Variants in PAK1 observed in about 807,000 individuals in gnomAD.
PAK1 encodes the protein p21 (RAC1) activated kinase 1, also known as serine/threonine-protein kinase PAK 1.
In PAK1, 29 loss-of-function variants were observed where a neutral mutation model predicts 67.4. The ratio of observed to expected loss-of-function variants is 0.43; its 90% CI spans 0.32 to 0.59. The LOEUF is 0.59. Among genes scored for constraint, PAK1 ranks in the 20% least tolerant of loss-of-function variants. PAK1 has a pLI of 0.07. For synonymous variants in PAK1, 223 were observed against 237.4 expected, an observed-to-expected ratio of 0.94 and a Z score of 0.56; for missense variants, 337 against 670.7, an observed-to-expected ratio of 0.50 and a Z score of 5.50.
At chr11:77,399,776 G>A (rs1952375749) in intron 1 of PAK1, among the ~76,000 whole-genome samples, 1 of 130,482 alleles carries the variant, frequency 7.7e-6, no homozygotes, top group South Asian at 2.6e-4. Context: ...GGAGAATGGC[G>A]TGAACCCGGG....
At chr11:77,422,812 C>T (rs1955340870) in intron 1 of PAK1, among the ~76,000 whole-genome samples, 1 of 152,130 alleles carries the variant, frequency 6.6e-6, no homozygotes, top group African/African-American at 2.4e-5. Flanking sequence ...GCTAATTCTG[C>T]CTTTCCGCCC....
intron 2 of PAK1, among the ~76,000 whole-genome samples, chr11:77,391,451 C>T (rs1253105597): frequency 2.0e-5 from 3 of 152,182 alleles, no homozygotes; most frequent in African/African-American, 7.2e-5. Context: ...GATCAGAAAG[C>T]TGGTAAGTGG....
At chr11:77,343,080 T>A (rs1306941292) in intron 10 of PAK1, among the ~76,000 whole-genome samples, 1 of 152,056 alleles carries the variant, frequency 6.6e-6, no homozygotes, top group Non-Finnish European at 1.5e-5. Flanking sequence ...TACCTCACAA[T>A]GAGATACTGT....
At chr11:77,489,805 C>A in the PAK1 span, among the ~76,000 whole-genome samples, 1 of 152,064 alleles carries the variant, frequency 6.6e-6, no homozygotes, top group East Asian at 1.9e-4. Context: ...GCTACAACCT[C>A]CACCTCCCAG....
intron 5 of PAK1, among the ~76,000 whole-genome samples, chr11:77,371,720 G>C (rs1460740161): frequency 6.6e-6 from 1 of 152,158 alleles, no homozygotes; most frequent in South Asian, 2.1e-4. Flanking sequence ...AGGATATATA[G>C]AGCACTGAGC....
chr11:77,367,692 T>C (rs764839289), intron 5 of PAK1, among the ~76,000 whole-genome samples: 10 of 152,106 alleles, frequency 6.6e-5, no homozygotes, highest in Non-Finnish European at 1.0e-4. Flanking sequence ...AGGTCCAAGA[T>C]CTAGGGCTGG....
intron 5 of PAK1, among the ~76,000 whole-genome samples, chr11:77,360,815 G>A (rs1946685269): frequency 6.6e-6 from 1 of 152,120 alleles, no homozygotes. Flanking sequence ...ATAAAACAGG[G>A]GTAATGACTA....
intron 14 of PAK1, among the ~76,000 whole-genome samples, chr11:77,324,171 C>CTTTT: frequency 1.6e-5 from 2 of 124,016 alleles, no homozygotes; most frequent in South Asian, 2.6e-4. Flanking sequence ...GAAAGCAATT[C>CTTTT]CTTTTTTTTT....
the PAK1 span, among the ~76,000 whole-genome samples, chr11:77,521,743 C>T: frequency 4.6e-5 from 7 of 152,130 alleles, no homozygotes; most frequent in African/African-American, 9.7e-5. Flanking sequence ...CTTACTTTCC[C>T]AAAAAGGAAA....
intron 1 of PAK1, among the ~76,000 whole-genome samples, chr11:77,454,211 A>C (rs117946612): frequency 8.9e-4 from 136 of 152,336 alleles, no homozygotes; most frequent in South Asian, 3.7e-3. Flanking sequence ...TCAACACCCC[A>C]GTGGTTATAT....
intron 1 of PAK1, among the ~76,000 whole-genome samples, chr11:77,459,691 T>TTC (rs1491148517): frequency 1.4e-4 from 16 of 114,078 alleles, no homozygotes; most frequent in African/African-American, 5.0e-4. Flanking sequence ...CTTCTTCTTC[T>TTC]TTTTTTTTTT....
At chr11:77,371,958 C>A (rs1353504444) in intron 5 of PAK1, among the ~76,000 whole-genome samples, 1 of 152,092 alleles carries the variant, frequency 6.6e-6, no homozygotes, top group Admixed American at 6.5e-5. Flanking sequence ...TTGTTCCTTG[C>A]CACAGTGAAA....
At chr11:77,339,604 T>A (rs1013166436) in intron 11 of PAK1, among the ~76,000 whole-genome samples, 1 of 152,132 alleles carries the variant, frequency 6.6e-6, no homozygotes, top group South Asian at 2.1e-4. Flanking sequence ...GGGACCATTA[T>A]TTTCTAGGGC....
chr11:77,440,847 C>CCCTCCCACCTCTACCTGCT (rs1402743290), intron 1 of PAK1, among the ~76,000 whole-genome samples: 58 of 150,830 alleles, frequency 3.8e-4, no homozygotes, highest in African/African-American at 3.2e-4. Flanking sequence ...CTCTATCTGC[C>CCCTCCCACCTCTACCTGCT]CCTCCCACCT....
In PAK1 at chr11:77,415,045, T is replaced by TA. The variant is rs916655342; in HGVS notation, c.-21-22505dup. 1.9e-4 allele frequency among the ~76,000 whole-genome samples: 29 copies of TA among 151,734 alleles called. No individual in the cohort carries two copies. In the East Asian group the frequency reaches 2.5e-3, roughly 13 times the overall value. Reference sequence around the variant, plus strand: ...AAACTCAGTAAGAAGTGACCCAATTTAAAAAAAACAACTGTGCAAAAGATC... The same window carrying TA: ...AAACTCAGTAAGAAGTGACCCAATTTAAAAAAAAACAACTGTGCAAAAGATC... On this transcript the variant is annotated intron_variant, in intron 1 of 14. Coordinates refer to ENST00000356341, the MANE Select transcript of PAK1 (RefSeq NM_002576.5).
At chr11:77,437,065 C>A (rs1271708253) in intron 1 of PAK1, among the ~76,000 whole-genome samples, 1 of 152,136 alleles carries the variant, frequency 6.6e-6, no homozygotes, top group African/African-American at 2.4e-5. Context: ...GAAACTAAAA[C>A]AATGAATTGG....
At chr11:77,394,082 G>A (rs779863011) in intron 1 of PAK1, among the ~76,000 whole-genome samples, 4 of 152,122 alleles carry the variant, frequency 2.6e-5, no homozygotes, top group Non-Finnish European at 5.9e-5. Context: ...TTAAATAAAC[G>A]TCCTTGACAA....
chr11:77,333,776 C>T (rs598801), intron 13 of PAK1, among the ~76,000 whole-genome samples: 32,649 of 152,034 alleles, frequency 0.21, 4,656 homozygotes, highest in Non-Finnish European at 0.31. Flanking sequence ...CTTACATAAG[C>T]ACTGTCTAAT....
At chr11:77,472,834 C>T (rs981127969) in intron 1 of PAK1, among the ~76,000 whole-genome samples, 2 of 93,498 alleles carry the variant, frequency 2.1e-5, no homozygotes, top group African/African-American at 8.9e-5. Flanking sequence ...GTTTAAAAAC[C>T]AAGGACGTTG....
Sources: allele counts gnomAD v4.1 joint callset (sites outside exome capture counted in the v4.1 genomes callset), GRCh38; gene constraint gnomAD v4.1.1; transcripts MANE v1.5; gene names NCBI Gene and HGNC (gene_info 2026-07-23, HGNC 2026-07-21).